Variants in RAD54B observed in about 807,000 individuals in gnomAD.
The protein encoded by RAD54B is RAD54 homolog B.
Under a neutral mutation model 95.8 loss-of-function variants are expected in RAD54B, and 78 were observed. That is an observed-to-expected ratio of 0.81 (90% confidence interval 0.68 to 0.98). The LOEUF (loss-of-function observed/expected upper bound fraction) is 0.98. Among genes scored for constraint, RAD54B ranks in the 50% least tolerant of loss-of-function variants. RAD54B has a pLI of 0.00. For missense variants in RAD54B, 957 were observed against 1,056.6 expected (o/e 0.91, Z 1.31); for synonymous variants, 328 against 354.9 (o/e 0.92, Z 0.85).
intron 3 of RAD54B, among the ~76,000 whole-genome samples, chr8:94,427,121 G>T (rs1811961592): frequency 6.6e-6 from 1 of 151,932 alleles, no homozygotes; most frequent in South Asian, 2.1e-4. Flanking sequence ...AAAAAACTTT[G>T]TAACAGAGGT....
At chr8:94,469,051 G>T (rs1454755424) in intron 1 of RAD54B, among the ~76,000 whole-genome samples, 1 of 149,678 alleles carries the variant, frequency 6.7e-6, no homozygotes, top group Admixed American at 6.7e-5. Flanking sequence ...CCAGCACTTT[G>T]GGAGGCCAAA....
intron 3 of RAD54B, among the ~76,000 whole-genome samples, chr8:94,426,383 T>A (rs1250525855): frequency 6.6e-6 from 1 of 152,214 alleles, no homozygotes; most frequent in Non-Finnish European, 1.5e-5. Context: ...ACTAACATTA[T>A]GTCCATGAAA....
Position 94,400,313 on chromosome 8 carries a change from G to A in RAD54B, c.1095C>T (p.Ser365=). ...IKKTLIVTPG[S]LVNNWKKEFQ... ...ATTCTTTCTTCCAATTATTCACCAA[G>A]CTTCCAGGTGTGACAATTAGTGTCT... The change falls in exon 7 of 15, where the codon AGC becomes AGT. Residue 365 remains serine (S), a synonymous_variant. Transcript: ENST00000336148. 6.2e-7 allele frequency: 1 copy of A among 1,613,720 alleles called. No homozygotes were observed. The highest frequency in any genetic ancestry group is 8.5e-7 in the Non-Finnish European group (1 of 1,179,842).
At chr8:94,426,592 CAG>C (rs1336526459) in intron 3 of RAD54B, among the ~76,000 whole-genome samples, 2 of 152,062 alleles carry the variant, frequency 1.3e-5, no homozygotes, top group Admixed American at 6.5e-5. Flanking sequence ...GTGAAAAAAA[CAG>C]AAACAAAGTA....
intron 11 of RAD54B, among the ~76,000 whole-genome samples, chr8:94,385,215 T>A (rs1222890343): frequency 6.6e-6 from 1 of 152,198 alleles, no homozygotes; most frequent in Admixed American, 6.5e-5. Flanking sequence ...AGAGGGAAAC[T>A]TTCCCCTATG....
At chr8:94,404,340 T>G in intron 5 of RAD54B, 101 bp from the exon 6 acceptor site, 1 of 1,219,398 alleles carries the variant, frequency 8.2e-7, no homozygotes, top group South Asian at 2.0e-5. Flanking sequence ...TGCCATCATT[T>G]GTGGCCAAAA....
At chr8:94,426,290 C>CA (rs1811942130) in intron 3 of RAD54B, among the ~76,000 whole-genome samples, 1 of 151,892 alleles carries the variant, frequency 6.6e-6, no homozygotes. Flanking sequence ...AACTCATACC[C>CA]TGTTGATGGA....
intron 2 of RAD54B, among the ~76,000 whole-genome samples, chr8:94,462,435 CATTT>C (rs529032437): frequency 1.3e-5 from 2 of 152,208 alleles, no homozygotes; most frequent in African/African-American, 4.8e-5. Context: ...GTTTAATCTT[CATTT>C]ATTTATTTAT....
chr8:94,442,530 G>C (rs780400683), intron 3 of RAD54B, among the ~76,000 whole-genome samples: 4 of 148,292 alleles, frequency 2.7e-5, no homozygotes, highest in African/African-American at 1.0e-4. Context: ...AGCCGAGATC[G>C]CGCCACCGCA....
At chr8:94,441,082 A>G (rs1812386148) in intron 3 of RAD54B, among the ~76,000 whole-genome samples, 1 of 150,202 alleles carries the variant, frequency 6.7e-6, no homozygotes, top group South Asian at 2.1e-4. Flanking sequence ...TTTCTGTTTC[A>G]CTCTGACCAC....
At chr8:94,416,259 C>T (rs1811663397) in intron 3 of RAD54B, among the ~76,000 whole-genome samples, 1 of 151,286 alleles carries the variant, frequency 6.6e-6, no homozygotes, top group Non-Finnish European at 1.5e-5. Context: ...AGTAAACTAT[C>T]ACAAGGACAA....
chr8:94,415,383 C>T (rs1484895979), intron 3 of RAD54B, among the ~76,000 whole-genome samples: 38 of 150,768 alleles, frequency 2.5e-4, no homozygotes, highest in African/African-American at 8.8e-4. Flanking sequence ...GGATTAAAGA[C>T]TTAAACGTTA....
intron 7 of RAD54B, among the ~76,000 whole-genome samples, 176 bp from the exon 8 acceptor site, chr8:94,399,797 G>C (rs1811225521): frequency 6.6e-6 from 1 of 152,172 alleles, no homozygotes; most frequent in South Asian, 2.1e-4. Flanking sequence ...TTAAACAACA[G>C]ACATTTATTT....
intron 6 of RAD54B, among the ~76,000 whole-genome samples, chr8:94,401,299 C>T (rs1363720532): frequency 6.6e-6 from 1 of 152,080 alleles, no homozygotes; most frequent in Admixed American, 6.6e-5. Flanking sequence ...ACCTCTTCCG[C>T]CACCTCTGCC....
At chr8:94,375,391 G>A (rs1043683575) in intron 14 of RAD54B, among the ~76,000 whole-genome samples, 1 of 152,080 alleles carries the variant, frequency 6.6e-6, no homozygotes, top group Non-Finnish European at 1.5e-5. Context: ...CTGTTCTTGT[G>A]ATAATGAATG....
chr8:94,374,807 T>A (rs1010674755), intron 14 of RAD54B, among the ~76,000 whole-genome samples: 1 of 152,212 alleles, frequency 6.6e-6, no homozygotes, highest in Non-Finnish European at 1.5e-5. Context: ...CATATTTTAA[T>A]ATATTTATTT....
intron 2 of RAD54B, among the ~76,000 whole-genome samples, chr8:94,459,595 C>A (rs1812855339): frequency 6.6e-6 from 1 of 152,100 alleles, no homozygotes; most frequent in African/African-American, 2.4e-5. Context: ...CGCAGTGGCT[C>A]ACGCCTGTAA....
At chr8:94,424,141 T>C (rs774472332) in intron 3 of RAD54B, among the ~76,000 whole-genome samples, 1 of 152,178 alleles carries the variant, frequency 6.6e-6, no homozygotes, top group African/African-American at 2.4e-5. Flanking sequence ...ATAAGTAACT[T>C]TGAAATACCA....
chr8:94,386,578 GTGTGTGTGTGTGTGTGCA>G (rs1810894445), intron 11 of RAD54B, among the ~76,000 whole-genome samples: 1 of 137,866 alleles, frequency 7.3e-6, no homozygotes, highest in African/African-American at 2.5e-5. Context: ...TGGTATGGTT[GTGTGTGTGTGTGTGTGCA>G]TGTGTGTGTG....
Sources: gnomAD v4.1 joint callset for allele counts (sites outside exome capture counted in the v4.1 genomes callset) on GRCh38, gnomAD v4.1.1 for gene constraint, MANE v1.5 for transcripts, NCBI Gene and HGNC (gene_info 2026-07-23, HGNC 2026-07-21) for gene names.